The following PDPK1 variants were observed in gnomAD, a reference collection of about 807,000 sequenced individuals.
PDPK1 encodes 3-phosphoinositide dependent protein kinase 1, also known as 3-phosphoinositide-dependent protein kinase 1.
PDPK1 carries 7 observed loss-of-function variants against 39.8 expected under a neutral mutation model. That is an observed-to-expected ratio of 0.18 (90% CI 0.10 to 0.33). The LOEUF is 0.33. PDPK1 is among the 10% of genes least tolerant of loss of function. The pLI is 1.00. For synonymous variants in PDPK1, 118 were observed against 159.1 expected, an observed-to-expected ratio of 0.74 and a Z score of 1.95; for missense variants, 182 against 384.7, an observed-to-expected ratio of 0.47 and a Z score of 4.41.
intron 1 of PDPK1, among the ~76,000 whole-genome samples, chr16:2,539,747 A>T (rs1417810265): frequency 6.6e-6 from 1 of 152,190 alleles, no homozygotes; most frequent in African/African-American, 2.4e-5. Context: ...TTGTGAGGTT[A>T]ACCTGCACCC....
intron 1 of PDPK1, among the ~76,000 whole-genome samples, chr16:2,543,808 G>C (rs576914837): frequency 6.6e-6 from 1 of 152,016 alleles, no homozygotes; most frequent in African/African-American, 2.4e-5. Flanking sequence ...CGCAACCTCC[G>C]TCTTTCAGGT....
Position 2,598,843 on chromosome 16 carries a change from C to A in PDPK1, c.*1076C>A, listed in dbSNP as rs991761322. On this transcript the variant is annotated 3_prime_UTR_variant, in exon 14 of 14. Transcript: ENST00000342085. ...AGTGCAGACACCACCGTCACACACGCCCCTTTTGTGTTTTGGTTCAAGTTT... is the reference window on the plus strand; with the variant it reads ...AGTGCAGACACCACCGTCACACACGACCCTTTTGTGTTTTGGTTCAAGTTT... 2 of 233,260 alleles carry A rather than the reference C, an allele frequency of 8.6e-6. No individual in the cohort carries two copies. The highest frequency in any genetic ancestry group is 1.7e-5 in the Non-Finnish European group (2 of 118,102). The allele number at this position is 233,260 out of a possible 1,614,324, so 14.4% of individuals were successfully genotyped here. A position where few individuals can be genotyped will look rare whatever the true frequency, so the allele number is the denominator to read the frequency against.
intron 1 of PDPK1, among the ~76,000 whole-genome samples, chr16:2,540,262 C>G (rs961217970): frequency 6.6e-6 from 1 of 152,162 alleles, no homozygotes; most frequent in Admixed American, 6.5e-5. Flanking sequence ...GGGAGCAGTG[C>G]GAGCGTGAAG....
Position 2,542,725 on chromosome 16 carries a change from C to A in PDPK1, c.24+4589C>A, listed in dbSNP as rs2066267256. Among the ~76,000 whole-genome samples the A allele has an allele frequency of 2.0e-5, 3 of 152,260 alleles. No homozygotes were observed. In the South Asian group the frequency reaches 6.2e-4, roughly 32 times the overall value. On this transcript the variant is annotated intron_variant, in intron 1 of 13. Coordinates refer to ENST00000342085, the MANE Select transcript of PDPK1 (RefSeq NM_002613.5). The stretch of plus-strand genomic sequence containing the variant: ...GCCACCGTGCTGGGACCGGCCCAAT[C>A]TGTGTTTCAAGTCAGCTTGTAGCAC...
At chr16:2,587,397 A>G (rs902468246) in intron 11 of PDPK1, among the ~76,000 whole-genome samples, 2 of 152,214 alleles carry the variant, frequency 1.3e-5, no homozygotes, top group African/African-American at 2.4e-5. Context: ...TCCAAAAACA[A>G]ACTTGTGAAT....
chr16:2,596,617 A>C (rs1302397207), intron 12 of PDPK1, among the ~76,000 whole-genome samples: 1 of 152,224 alleles, frequency 6.6e-6, no homozygotes, highest in Admixed American at 6.5e-5. Flanking sequence ...TTTCAAATAT[A>C]AATCATATTA....
At chr16:2,585,650 TCGGCGTGGAGGGGC>T (rs748863626) in intron 10 of PDPK1, among the ~76,000 whole-genome samples, 46 of 151,954 alleles carry the variant, frequency 3.0e-4, no homozygotes, top group East Asian at 2.1e-3. Context: ...CGTGGAGGGG[TCGGCGTGGAGGGGC>T]CGGCGTGGAG....
At chr16:2,553,170 TAAAAAAAAAAAAGA>T (rs1419334845) in intron 1 of PDPK1, among the ~76,000 whole-genome samples, 1 of 130,858 alleles carries the variant, frequency 7.6e-6, no homozygotes, top group South Asian at 2.3e-4. Context: ...CTTTTTTTTT[TAAAAAAAAAAAAGA>T]AAAAAAAAGA....
intron 11 of PDPK1, among the ~76,000 whole-genome samples, chr16:2,589,247 C>T (rs541863575): frequency 3.9e-5 from 6 of 152,252 alleles, no homozygotes; most frequent in Admixed American, 2.0e-4. Context: ...TGAGCCACCG[C>T]GCCAGCCAAT....
chr16:2,539,772 C>G (rs1031966640), intron 1 of PDPK1, among the ~76,000 whole-genome samples: 3 of 152,064 alleles, frequency 2.0e-5, no homozygotes, highest in African/African-American at 7.2e-5. Context: ...ACAGTCATGG[C>G]GAAATTTGTG....
intron 11 of PDPK1, among the ~76,000 whole-genome samples, chr16:2,589,658 C>T (rs2066947674): frequency 6.7e-6 from 1 of 149,492 alleles, no homozygotes; most frequent in African/African-American, 2.5e-5. Context: ...CACTGCCCCC[C>T]AGCCTGGGTG....
At chr16:2,586,413 CCTGGAGAGGAAATCTG>C (rs2066875901) in intron 10 of PDPK1, among the ~76,000 whole-genome samples, 1 of 152,254 alleles carries the variant, frequency 6.6e-6, no homozygotes, top group Admixed American at 6.5e-5. Flanking sequence ...GTCCCCTCTT[CCTGGAGAGGAAATCTG>C]AGGCTTCGCC....
intron 1 of PDPK1, among the ~76,000 whole-genome samples, chr16:2,553,276 G>T (rs915305074): frequency 7.4e-6 from 1 of 136,034 alleles, no homozygotes; most frequent in Non-Finnish European, 1.5e-5. Flanking sequence ...CCCAGCCCAA[G>T]TGATCCTCCC....
At position 2,602,184 on chromosome 16, in the gene PDPK1, G is replaced by A. The variant is rs1263975464; in HGVS notation, c.*4417G>A. ...CCCCAGTTATTTTCAAACTTGACAT[G>A]AGCCTATGTTGACTCACTGGGTGGG... On this transcript the variant is annotated 3_prime_UTR_variant, in exon 14 of 14. Transcript: ENST00000342085. The A allele has an allele frequency of 2.1e-5, 5 of 234,318 alleles. No homozygotes were observed. Among genetic ancestry groups the A allele is most frequent in the Admixed American group, 5.6e-5 (1 of 17,768 alleles). The allele number at this position is 234,318 out of a possible 1,614,324, so 14.5% of individuals were successfully genotyped here. A position where few individuals can be genotyped will look rare whatever the true frequency, so the allele number is the denominator to read the frequency against.
chr16:2,573,800 T>TA lies in PDPK1; in HGVS notation c.710-3625_710-3624insA, dbSNP rs550760302. Among the ~76,000 whole-genome samples the TA allele has an allele frequency of 7.3e-4, 89 of 122,246 alleles. 6 individuals are homozygous for TA. The highest frequency in any genetic ancestry group is 1.1e-3 in the East Asian group (5 of 4,510). The allele number at this position is 122,246 out of a possible 152,430, so 80.2% of individuals were successfully genotyped here. ...TTTTTTTCCTTTTTCTGTTTTTATT[T>TA]TTTTTTTTTTTGAGACGGAATTTCG... is the stretch of plus-strand genomic sequence containing the variant. On this transcript the variant is annotated intron_variant, in intron 6 of 13. Transcript: ENST00000342085.
chr16:2,603,064 T>C lies in PDPK1; in HGVS notation c.*5297T>C, dbSNP rs1031180855. ...TTCTATTGGGTCAGTGATTTAATCA[T>C]ATAATTTAATGAATCTGTTTATCCT... is the stretch of plus-strand genomic sequence containing the variant. On this transcript the variant is annotated 3_prime_UTR_variant, in exon 14 of 14. Transcript: ENST00000342085. The C allele has an allele frequency of 4.4e-6, 1 of 229,064 alleles. No homozygotes were observed. The highest frequency in any genetic ancestry group is 2.2e-5 in the African/African-American group (1 of 45,086). The allele number at this position is 229,064 out of a possible 1,614,324, so 14.2% of individuals were successfully genotyped here.
chr16:2,589,696 GAAAAAA>G (rs530064221), intron 11 of PDPK1, among the ~76,000 whole-genome samples: 4 of 74,628 alleles, frequency 5.4e-5, no homozygotes, highest in African/African-American at 8.8e-5. Context: ...CTCAAAATTG[GAAAAAA>G]AAAAAAAAAA....
rs891543954 is a variant in PDPK1, at chr16:2,593,901, C to G, written c.1344-1892C>G. On this transcript the variant is annotated intron_variant, in intron 11 of 13. Coordinates refer to ENST00000342085, the MANE Select transcript of PDPK1 (RefSeq NM_002613.5). The surrounding 1 kb of genome is among the most constrained non-coding windows in gnomAD (Gnocchi z 4.2). ...TCAGGAACCTCCTTGATCTGTTTCTCTTTGTTTTAATACCCACATTGTGTG... is the reference window on the plus strand; with the variant it reads ...TCAGGAACCTCCTTGATCTGTTTCTGTTTGTTTTAATACCCACATTGTGTG... The G allele has an allele frequency of 5.9e-5, 9 of 152,356 alleles. No homozygotes were observed. The highest frequency in any genetic ancestry group is 2.2e-4 in the African/African-American group (9 of 41,464). The allele number at this position is 152,356 out of a possible 1,614,324, so 9.4% of individuals were successfully genotyped here. A position where few individuals can be genotyped will look rare whatever the true frequency, so the allele number is the denominator to read the frequency against.
At chr16:2,585,198 G>A (rs1307577643) in intron 10 of PDPK1, among the ~76,000 whole-genome samples, 1 of 152,242 alleles carries the variant, frequency 6.6e-6, no homozygotes, top group Non-Finnish European at 1.5e-5. Flanking sequence ...GGCCTACTGA[G>A]AGCTGGGGCT....
Sources: allele counts gnomAD v4.1 joint callset (sites outside exome capture counted in the v4.1 genomes callset), GRCh38; gene constraint gnomAD v4.1.1; non-coding constraint Gnocchi (gnomAD v3.1); transcripts MANE v1.5; gene names NCBI Gene and HGNC (gene_info 2026-07-23, HGNC 2026-07-21).